Variants in ZC3H12B observed in about 807,000 individuals in gnomAD.
ZC3H12B encodes probable ribonuclease ZC3H12B.
ZC3H12B carries 7 observed loss-of-function variants against 43.9 expected under a neutral mutation model. The ratio of observed to expected loss-of-function variants is 0.16; its 90% CI spans 0.09 to 0.30. The LOEUF (loss-of-function observed/expected upper bound fraction) is 0.30, where lower values mean the gene tolerates loss of function less well. Ranked by LOEUF, ZC3H12B falls within the 10% of genes least tolerant of loss-of-function variation. The pLI, the probability that ZC3H12B is intolerant of heterozygous loss-of-function variation, is 1.00. For missense variants in ZC3H12B, 475 were observed against 670.2 expected, an observed-to-expected ratio of 0.71 and a Z score of 3.22; for synonymous variants, 222 against 241.7, an observed-to-expected ratio of 0.92 and a Z score of 0.76.
the ZC3H12B span, among the ~76,000 whole-genome samples, chrX:65,121,518 C>T: frequency 1.8e-5 from 2 of 110,523 alleles, no homozygotes; most frequent in African/African-American, 6.6e-5. Context: ...ATTTTTTATT[C>T]CGTCTATTTG....
At chrX:65,366,260 C>T (rs1299614448), upstream of ZC3H12B, among the ~76,000 whole-genome samples, 3 of 110,482 alleles carry the variant, frequency 2.7e-5, no homozygotes, top group Non-Finnish European at 5.7e-5. Flanking sequence ...GAGAATGGTG[C>T]TTTTTTCCAA....
At chrX:65,177,330 G>C in the ZC3H12B span, among the ~76,000 whole-genome samples, 20 of 111,701 alleles carry the variant, frequency 1.8e-4, no homozygotes, top group African/African-American at 5.9e-4. Context: ...CATACTGAAC[G>C]GGCAAAAGCT....
chrX:65,368,338 A>G (rs1176411492), intron 1 of ZC3H12B, among the ~76,000 whole-genome samples: 2 of 111,545 alleles, frequency 1.8e-5, no homozygotes, highest in Non-Finnish European at 3.8e-5. Context: ...AAGATTTATG[A>G]TCTTATTTTG....
the ZC3H12B span, among the ~76,000 whole-genome samples, chrX:65,135,781 G>C: frequency 1.8e-5 from 1 of 56,087 alleles, no homozygotes; most frequent in African/African-American, 8.2e-5. Context: ...AATTTTTTCT[G>C]CCTTCCAGTT....
chrX:65,102,472 A>G, the ZC3H12B span, among the ~76,000 whole-genome samples: 1 of 112,168 alleles, frequency 8.9e-6, no homozygotes, highest in African/African-American at 3.2e-5. Context: ...ACATGATTGT[A>G]TATTTAAGAA....
chrX:65,199,723 T>C, the ZC3H12B span, among the ~76,000 whole-genome samples: 1 of 110,941 alleles, frequency 9.0e-6, no homozygotes, highest in East Asian at 2.9e-4. Flanking sequence ...TGCATTTGTT[T>C]GCTGATGATA....
At chrX:65,195,410 T>C in the ZC3H12B span, among the ~76,000 whole-genome samples, 24 of 112,089 alleles carry the variant, frequency 2.1e-4, no homozygotes, top group African/African-American at 7.8e-4. Context: ...AAATTGGCAC[T>C]GATTGTATAA....
chrX:65,457,427 G>A (rs1222731339), intron 3 of ZC3H12B, among the ~76,000 whole-genome samples: 73 of 75,352 alleles, frequency 9.7e-4, no homozygotes, highest in African/African-American at 3.0e-3. Context: ...CGGCCGCCCC[G>A]TCCGGGAGGG....
the ZC3H12B span, among the ~76,000 whole-genome samples, chrX:65,221,372 CA>C: frequency 9.0e-6 from 1 of 110,800 alleles, no homozygotes; most frequent in Non-Finnish European, 1.9e-5. Context: ...TCGAAACAAA[CA>C]AAAAACTATA....
the ZC3H12B span, among the ~76,000 whole-genome samples, chrX:65,274,442 G>T: frequency 2.7e-5 from 3 of 110,094 alleles, no homozygotes; most frequent in Non-Finnish European, 5.7e-5. Context: ...AGCCCACATG[G>T]GTAACTGAAT....
the ZC3H12B span, among the ~76,000 whole-genome samples, chrX:65,233,921 C>A: frequency 1.8e-5 from 2 of 111,379 alleles, no homozygotes. Flanking sequence ...TTGAAAGCAT[C>A]ATGAGAGAGT....
At chrX:65,126,992 T>G in the ZC3H12B span, among the ~76,000 whole-genome samples, 1 of 111,002 alleles carries the variant, frequency 9.0e-6, no homozygotes, top group African/African-American at 3.3e-5. Flanking sequence ...CTGAATTCTT[T>G]TTCTGGCAAT....
At chrX:65,220,534 G>T in the ZC3H12B span, among the ~76,000 whole-genome samples, 1 of 111,731 alleles carries the variant, frequency 9.0e-6, no homozygotes, top group Non-Finnish European at 1.9e-5. Flanking sequence ...ACACCAAAAG[G>T]GAGCAGGAGT....
At chrX:65,138,641 T>C in the ZC3H12B span, among the ~76,000 whole-genome samples, 1 of 112,131 alleles carries the variant, frequency 8.9e-6, no homozygotes, top group Non-Finnish European at 1.9e-5. Flanking sequence ...CATTTTATTT[T>C]TAATTTTTCG....
the ZC3H12B span, among the ~76,000 whole-genome samples, chrX:65,218,618 A>T: frequency 9.1e-6 from 1 of 110,099 alleles, no homozygotes; most frequent in Admixed American, 9.7e-5. Flanking sequence ...ACATAACTTC[A>T]TTGCCCCAGG....
chrX:65,164,362 A>G, the ZC3H12B span, among the ~76,000 whole-genome samples: 1 of 111,392 alleles, frequency 9.0e-6, no homozygotes, highest in African/African-American at 3.3e-5. Context: ...ATCCATCAGA[A>G]TGCAAGATCT....
At chrX:65,392,500 A>C (rs2066635997) in intron 2 of ZC3H12B, among the ~76,000 whole-genome samples, 1 of 110,078 alleles carries the variant, frequency 9.1e-6, no homozygotes, top group Non-Finnish European at 1.9e-5. Context: ...GGGCTGCCCC[A>C]TCTGGGAGGT....
chrX:65,486,513 A>T (rs910041405), upstream of ZC3H12B, among the ~76,000 whole-genome samples: 33 of 112,152 alleles, frequency 2.9e-4, no homozygotes, highest in African/African-American at 1.0e-3. Flanking sequence ...CAAACACATG[A>T]CACCTTCACA....
At chrX:65,235,707 C>A in the ZC3H12B span, among the ~76,000 whole-genome samples, 1 of 111,769 alleles carries the variant, frequency 8.9e-6, no homozygotes, top group East Asian at 2.8e-4. Flanking sequence ...CCCCAAAACT[C>A]GAAGATGCCA....
Sources: gnomAD v4.1 joint callset for allele counts (sites outside exome capture counted in the v4.1 genomes callset) on GRCh38, gnomAD v4.1.1 for gene constraint, MANE v1.5 for transcripts, NCBI Gene and HGNC (gene_info 2026-07-23, HGNC 2026-07-21) for gene names.